Variants in ANTXR2 observed in about 807,000 individuals in gnomAD.
The protein encoded by ANTXR2 is anthrax toxin receptor 2.
ANTXR2 carries 44 observed loss-of-function variants against 73.7 expected under a neutral mutation model. The ratio of observed to expected loss-of-function variants is 0.60; its 90% CI spans 0.47 to 0.77. The LOEUF (loss-of-function observed/expected upper bound fraction) is 0.77, where lower values mean the gene tolerates loss of function less well. Among genes scored for constraint, ANTXR2 ranks in the 30% least tolerant of loss-of-function variants. The pLI is 0.00. For synonymous variants in ANTXR2, 217 were observed against 205.9 expected, an observed-to-expected ratio of 1.05 and a Z score of -0.46; for missense variants, 604 against 592.5, an observed-to-expected ratio of 1.02 and a Z score of -0.20.
At chr4:80,070,353 C>G (rs1341574825) in intron 2 of ANTXR2, among the ~76,000 whole-genome samples, 3 of 152,152 alleles carry the variant, frequency 2.0e-5, no homozygotes, top group African/African-American at 7.2e-5. Context: ...ACTTAAAAAC[C>G]AGATCAATGA....
chr4:79,960,605 G>A (rs1293625208), intron 16 of ANTXR2, among the ~76,000 whole-genome samples: 3 of 151,754 alleles, frequency 2.0e-5, no homozygotes, highest in Admixed American at 6.6e-5. Context: ...AAATGTCCAG[G>A]GGTATTCTTT....
intron 3 of ANTXR2, among the ~76,000 whole-genome samples, chr4:80,061,542 T>C (rs1308918292): frequency 6.6e-6 from 1 of 152,154 alleles, no homozygotes; most frequent in Non-Finnish European, 1.5e-5. Flanking sequence ...GATTTTATGA[T>C]AATTAGCCAA....
intron 16 of ANTXR2, among the ~76,000 whole-genome samples, chr4:79,923,161 C>G: frequency 6.6e-6 from 1 of 152,112 alleles, no homozygotes; most frequent in Middle Eastern, 3.4e-3. Context: ...TAGTCAATAG[C>G]TATCTAAAGC....
intron 10 of ANTXR2, among the ~76,000 whole-genome samples, chr4:80,026,200 T>C (rs946506375): frequency 4.6e-5 from 7 of 152,126 alleles, no homozygotes; most frequent in Non-Finnish European, 7.4e-5. Flanking sequence ...TGGGGATGGT[T>C]TCCCCCATCC....
chr4:79,943,955 G>GAAGATGTTGATGTTGAA (rs1698339039), intron 16 of ANTXR2, among the ~76,000 whole-genome samples: 1 of 146,756 alleles, frequency 6.8e-6, no homozygotes, highest in Non-Finnish European at 1.5e-5. Context: ...CCATTTAGAT[G>GAAGATGTTGATGTTGAA]AAGATGTTGA....
At chr4:80,057,702 TA>T (rs10717745) in intron 3 of ANTXR2, among the ~76,000 whole-genome samples, 66,120 of 151,664 alleles carry the variant, frequency 0.44, 14,972 homozygotes, top group Non-Finnish European at 0.49. Flanking sequence ...TTTACCATAA[TA>T]AAAAAAAGTT....
chr4:79,959,500 C>A (rs1359831707), intron 16 of ANTXR2, among the ~76,000 whole-genome samples: 1 of 152,100 alleles, frequency 6.6e-6, no homozygotes, highest in Admixed American at 6.5e-5. Context: ...AGACAAAATT[C>A]TGTTCCTCAA....
intron 2 of ANTXR2, among the ~76,000 whole-genome samples, chr4:80,070,200 G>T (rs1045264016): frequency 2.6e-5 from 4 of 152,138 alleles, no homozygotes; most frequent in Non-Finnish European, 5.9e-5. Context: ...TCTATAAACT[G>T]AAAATCAGAA....
In ANTXR2 at chr4:80,072,530, G is replaced by A. The variant is rs763998810; in HGVS notation, c.31C>T (p.Pro11Ser). MVAERSPARSPGSWLFPGLWL... is the reference protein window; with the variant it reads MVAERSPARSSGSWLFPGLWL... ...AGCCCGGGGAACAGCCAGCTCCCGG[G>A]GCTGCGGGCCGGGGACCGCTCCGCC... Residue 11 changes from proline (P) to serine (S), a missense_variant, in exon 1 of 17, where the codon CCC becomes TCC. Coordinates refer to ENST00000403729, the MANE Select transcript of ANTXR2 (RefSeq NM_058172.6). 1.3e-6 allele frequency: 2 copies of A among 1,593,324 alleles called. No homozygotes were observed. The highest frequency in any genetic ancestry group is 1.7e-6 in the Non-Finnish European group (2 of 1,171,504).
intron 10 of ANTXR2, among the ~76,000 whole-genome samples, chr4:80,020,415 A>G (rs1480422106): frequency 6.6e-6 from 1 of 152,082 alleles, no homozygotes; most frequent in East Asian, 1.9e-4. Flanking sequence ...AACAAAAAAC[A>G]AACTCCCAGA....
chr4:80,051,243 C>CTTA (rs1733761514), intron 7 of ANTXR2, among the ~76,000 whole-genome samples: 3 of 151,710 alleles, frequency 2.0e-5, no homozygotes, highest in African/African-American at 7.3e-5. Flanking sequence ...CCTAAGGTGA[C>CTTA]TCACTGAAAT....
chr4:79,995,313 GGAACTGA>G (rs2110036760), intron 12 of ANTXR2, among the ~76,000 whole-genome samples: 1 of 149,232 alleles, frequency 6.7e-6, no homozygotes, highest in East Asian at 2.0e-4. Flanking sequence ...TGAAATTGAT[GGAACTGA>G]GAACGTTCAC....
At chr4:80,018,169 T>C (rs1454798318) in intron 11 of ANTXR2, among the ~76,000 whole-genome samples, 1 of 152,188 alleles carries the variant, frequency 6.6e-6, no homozygotes, top group Non-Finnish European at 1.5e-5. Flanking sequence ...GGAATTTTTC[T>C]TTTTTTGCTT....
In ANTXR2 at chr4:79,903,501, A is replaced by C. The variant is rs1056011744; in HGVS notation, c.*3928T>G. 2 of 152,150 alleles carry C rather than the reference A, an allele frequency of 1.3e-5. No individual in the cohort carries two copies. The highest frequency in any genetic ancestry group is 4.8e-5 in the African/African-American group (2 of 41,438). The allele number at this position is 152,150 out of a possible 1,614,324, so 9.4% of individuals were successfully genotyped here. A position where few individuals can be genotyped will look rare whatever the true frequency, so the allele number is the denominator to read the frequency against. On this transcript the variant is annotated 3_prime_UTR_variant, in exon 17 of 17. Transcript: ENST00000403729. ...CCTTTTCTTTTGGCAGGAGAGCACAAAAATAAAATACATTAAAAAACCAGC... is the reference window on the plus strand; with the variant it reads ...CCTTTTCTTTTGGCAGGAGAGCACACAAATAAAATACATTAAAAAACCAGC...
chr4:80,055,268 G>A, intron 5 of ANTXR2, 50 bp from the exon 6 acceptor site: 3 of 1,542,838 alleles, frequency 1.9e-6, no homozygotes, highest in Non-Finnish European at 2.7e-6. Context: ...GGGAGAGGGA[G>A]AAAGTGAATT....
At position 79,990,268 on chromosome 4, in the gene ANTXR2, A is replaced by T. The variant is rs1043442651; in HGVS notation, c.1042-5405T>A. Among the ~76,000 whole-genome samples, 3 of 151,804 alleles carry T rather than the reference A, an allele frequency of 2.0e-5. No individual in the cohort carries two copies. In the East Asian group the frequency reaches 5.8e-4, roughly 29 times the overall value. ...TTTCAAAAAGTTCCTGGACCTGATA[A>T]ACAACTTCATTAACCTTTCAGAATA... On this transcript the variant is annotated intron_variant, in intron 12 of 16. Coordinates refer to ENST00000403729, the MANE Select transcript of ANTXR2 (RefSeq NM_058172.6).
chr4:80,066,131 A>G (rs1310893479), intron 3 of ANTXR2, among the ~76,000 whole-genome samples: 1 of 152,222 alleles, frequency 6.6e-6, no homozygotes, highest in Non-Finnish European at 1.5e-5. Flanking sequence ...GATTTAATTA[A>G]ATAAAATTAG....
chr4:80,059,605 A>G (rs771405359), intron 3 of ANTXR2, among the ~76,000 whole-genome samples: 2 of 152,046 alleles, frequency 1.3e-5, no homozygotes, highest in Non-Finnish European at 2.9e-5. Context: ...CAAGCCTCTC[A>G]TCTTGACTTT....
At chr4:79,928,541 T>A (rs927280902) in intron 16 of ANTXR2, among the ~76,000 whole-genome samples, 1 of 152,188 alleles carries the variant, frequency 6.6e-6, no homozygotes. Context: ...GTAAAAATAT[T>A]GTCATTATTT....
Sources: gnomAD v4.1 joint callset for allele counts (sites outside exome capture counted in the v4.1 genomes callset) on GRCh38, gnomAD v4.1.1 for gene constraint, MANE v1.5 for transcripts, NCBI Gene and HGNC (gene_info 2026-07-23, HGNC 2026-07-21) for gene names.